Variants in RNASEH2B observed in about 807,000 individuals in gnomAD.
RNASEH2B encodes ribonuclease H2 subunit B, also known as Aicardi-Goutieres syndrome 2 protein.
Under a neutral mutation model 45.0 loss-of-function variants are expected in RNASEH2B, and 36 were observed. The ratio of observed to expected loss-of-function variants is 0.80; its 90% CI spans 0.61 to 1.06. The LOEUF (loss-of-function observed/expected upper bound fraction) is 1.06, where lower values mean the gene tolerates loss of function less well. RNASEH2B is among the 50% of genes least tolerant of loss of function. The pLI, the probability that RNASEH2B is intolerant of heterozygous loss-of-function variation, is 0.00. For synonymous variants in RNASEH2B, 119 were observed against 125.7 expected (o/e 0.95, Z 0.35); for missense variants, 361 against 360.3 (o/e 1.00, Z -0.02).
At chr13:50,941,624 C>T (rs909081629) in intron 5 of RNASEH2B, 9 of 152,058 alleles carry the variant, frequency 5.9e-5, no homozygotes, top group African/African-American at 1.4e-4. Context: ...AGCCATTCAG[C>T]GTCATATATT....
Position 50,949,575 on chromosome 13 carries a change from G to T in RNASEH2B, c.741+70G>T, listed in dbSNP as rs533617308. 1.0e-5 allele frequency: 14 copies of T among 1,383,796 alleles called. No homozygotes were observed. In the Admixed American group the frequency reaches 2.0e-4, roughly 20 times the overall value. 85.7% of individuals were successfully genotyped at this position (1,383,796 alleles called of 1,614,324 possible). On this transcript the variant is annotated intron_variant, in intron 9 of 10. Transcript: ENST00000336617. The stretch of plus-strand genomic sequence containing the variant: ...ATTACACTCTTACCACATGAGTTTA[G>T]TTGGTTCTAATATATTTTAAGGTGT...
intron 2 of RNASEH2B, 131 bp from the exon 3 acceptor site, chr13:50,929,344 G>A (rs185104321): frequency 2.3e-4 from 160 of 689,416 alleles, no homozygotes; most frequent in Admixed American, 1.1e-3. Flanking sequence ...CAGTTTTTTA[G>A]AATAGACCTG....
Position 50,934,655 on chromosome 13 carries a change from C to T in RNASEH2B, c.322-230C>T, listed in dbSNP as rs561040766. 4.3e-5 allele frequency: 24 copies of T among 556,780 alleles called. No individual in the cohort carries two copies. The South Asian group carries it at 5.0e-4, about 12-fold the overall frequency. 34.5% of individuals were successfully genotyped at this position (556,780 alleles called of 1,614,324 possible). The stretch of plus-strand genomic sequence containing the variant: ...TTCCCCATTTCATTTGGGGACTGTA[C>T]ACCCAAGGTAGATGGTGTGCTGTGT... On this transcript the variant is annotated intron_variant, in intron 4 of 10. Transcript: ENST00000336617.
intron 1 of RNASEH2B, among the ~76,000 whole-genome samples, chr13:50,915,943 A>AT (rs1361757612): frequency 2.6e-5 from 4 of 151,566 alleles, no homozygotes; most frequent in Non-Finnish European, 5.9e-5. Context: ...GTTTTTAAAG[A>AT]TTTTTTGTTA....
chr13:50,961,637 G>C (rs943073075), downstream of RNASEH2B, among the ~76,000 whole-genome samples: 1 of 152,108 alleles, frequency 6.6e-6, no homozygotes, highest in African/African-American at 2.4e-5. Context: ...AGTGAAGAAT[G>C]GTATTTAGAA....
chr13:50,916,439 G>C (rs905903209), intron 1 of RNASEH2B, among the ~76,000 whole-genome samples: 1 of 152,146 alleles, frequency 6.6e-6, no homozygotes, highest in Non-Finnish European at 1.5e-5. Flanking sequence ...TATGAAACAA[G>C]TTGACAAAGA....
In RNASEH2B at chr13:50,909,978, C is replaced by T; in HGVS notation, c.-99C>T. On this transcript the variant is annotated 5_prime_UTR_variant, in exon 1 of 11. Transcript: ENST00000336617. ...GCGCTGCCGGTCCCTCAGCGCGCCG[C>T]GCCACCCGGAACAGACCCTTCTCCC... The T allele has an allele frequency of 9.2e-7, 1 of 1,089,260 alleles. No individual in the cohort carries two copies. 67.5% of individuals were successfully genotyped at this position (1,089,260 alleles called of 1,614,324 possible). A position where few individuals can be genotyped will look rare whatever the true frequency, so the allele number is the denominator to read the frequency against.
intron 6 of RNASEH2B, among the ~76,000 whole-genome samples, chr13:50,944,544 A>G (rs1049852511): frequency 3.4e-4 from 51 of 152,184 alleles, no homozygotes; most frequent in Admixed American, 3.2e-3. Context: ...GGGTGCAGCA[A>G]ACCACTGTGG....
At chr13:50,969,951 A>C (rs1331051211) in exon 10 of RNASEH2B, 4 of 1,551,564 alleles carry the variant, frequency 2.6e-6, no homozygotes, top group Non-Finnish European at 3.5e-6. Flanking sequence ...CAAAGACAGA[A>C]AAGGGGCAAG....
chr13:50,958,578 T>G (rs1952079408), downstream of RNASEH2B, among the ~76,000 whole-genome samples: 1 of 152,174 alleles, frequency 6.6e-6, no homozygotes, highest in Admixed American at 6.5e-5. Context: ...ATCCAAGCTT[T>G]TTTTTGGTTC....
In RNASEH2B at chr13:50,956,738, C is replaced by T; in HGVS notation, c.*264C>T. ...AATTAACATATAGCATCATGATTTT[C>T]TCAATAAACTGATGTGTGACAATGT... On this transcript the variant is annotated 3_prime_UTR_variant, in exon 11 of 11. Coordinates refer to ENST00000336617, the MANE Select transcript of RNASEH2B (RefSeq NM_024570.4). 8.4e-7 allele frequency: 1 copy of T among 1,194,842 alleles called. No individual in the cohort carries two copies. Among genetic ancestry groups the T allele is most frequent in the Middle Eastern group, 3.6e-4 (1 of 2,750 alleles). 74.0% of individuals were successfully genotyped at this position (1,194,842 alleles called of 1,614,324 possible).
chr13:50,921,786 G>C (rs1160917189), intron 1 of RNASEH2B, among the ~76,000 whole-genome samples: 1 of 152,136 alleles, frequency 6.6e-6, no homozygotes, highest in Non-Finnish European at 1.5e-5. Context: ...TTAGCCAAAG[G>C]CTTCCAATAG....
chr13:50,955,262 A>G (rs1383439878), intron 10 of RNASEH2B: 2 of 152,216 alleles, frequency 1.3e-5, no homozygotes, highest in Non-Finnish European at 2.9e-5. Flanking sequence ...AATGTTTTTT[A>G]GAACTGTTAT....
chr13:50,956,823 T>C, downstream of RNASEH2B: 2 of 717,452 alleles, frequency 2.8e-6, no homozygotes, highest in Non-Finnish European at 3.5e-6. Context: ...TAATAATATT[T>C]TCAATATACT....
chr13:50,949,600 T>C, intron 9 of RNASEH2B, 95 bp downstream of exon 9: 1 of 1,149,810 alleles, frequency 8.7e-7, no homozygotes, highest in Non-Finnish European at 1.3e-6. Context: ...TTTTAAGGTG[T>C]ACTAAATCCA....
intron 5 of RNASEH2B, 43 bp downstream of exon 5, chr13:50,935,042 A>T (rs370841549): frequency 1.5e-5 from 20 of 1,296,048 alleles, no homozygotes; most frequent in Non-Finnish European, 2.1e-5. Flanking sequence ...GAAAGGATGG[A>T]CCTTGCCTAA....
downstream of RNASEH2B, among the ~76,000 whole-genome samples, chr13:50,958,682 TACTA>T (rs1434177175): frequency 6.6e-6 from 1 of 152,212 alleles, no homozygotes; most frequent in Non-Finnish European, 1.5e-5. Context: ...TTTCCCAGAC[TACTA>T]ACTGTTCTTC....
At chr13:50,929,431 T>A in intron 2 of RNASEH2B, 44 bp from the exon 3 acceptor site, 1 of 1,151,182 alleles carries the variant, frequency 8.7e-7, no homozygotes, top group Non-Finnish European at 1.3e-6. Context: ...TGTTTGTGTG[T>A]GTGTGTGAAA....
chr13:50,952,408 AT>A (rs201471060), intron 9 of RNASEH2B: 36 of 147,992 alleles, frequency 2.4e-4, no homozygotes, highest in Admixed American at 3.4e-4. Flanking sequence ...AGAAACATGT[AT>A]TTTTTTTTTT....
Sources: allele counts gnomAD v4.1 joint callset (sites outside exome capture counted in the v4.1 genomes callset), GRCh38; gene constraint gnomAD v4.1.1; transcripts MANE v1.5; gene names NCBI Gene and HGNC (gene_info 2026-07-23, HGNC 2026-07-21).